The following LRRC4C variants were observed in gnomAD, a reference collection of about 807,000 sequenced individuals.
LRRC4C encodes leucine-rich repeat-containing protein 4C.
A neutral mutation model predicts 33.6 loss-of-function variants in LRRC4C; 5 were observed. The ratio of observed to expected loss-of-function variants is 0.15; its 90% CI spans 0.08 to 0.31. The LOEUF (loss-of-function observed/expected upper bound fraction) is 0.31. Among genes scored for constraint, LRRC4C ranks in the 10% least tolerant of loss-of-function variants. The pLI, the probability that LRRC4C is intolerant of heterozygous loss-of-function variation, is 1.00. For synonymous variants in LRRC4C, 329 were observed against 302.0 expected (o/e 1.09, Z -0.93); for missense variants, 560 against 796.7 (o/e 0.70, Z 3.58).
chr11:41,348,678 C>T (rs1951876571), intron 1 of LRRC4C, among the ~76,000 whole-genome samples: 1 of 151,994 alleles, frequency 6.6e-6, no homozygotes, highest in Non-Finnish European at 1.5e-5. Flanking sequence ...AGGGAGGAGG[C>T]AGAGCCTGAG....
chr11:40,373,444 T>A (rs929951300), intron 3 of LRRC4C, among the ~76,000 whole-genome samples: 1 of 152,156 alleles, frequency 6.6e-6, no homozygotes, highest in Non-Finnish European at 1.5e-5. Flanking sequence ...ATATGTAGAA[T>A]ATAAAATTTT....
intron 1 of LRRC4C, among the ~76,000 whole-genome samples, chr11:40,967,840 T>C (rs1851465880): frequency 6.6e-6 from 1 of 151,572 alleles, no homozygotes; most frequent in Admixed American, 6.6e-5. Context: ...TAATATATGA[T>C]AATTTAAATA....
At chr11:40,552,596 C>T (rs777586005) in intron 3 of LRRC4C, among the ~76,000 whole-genome samples, 1 of 152,106 alleles carries the variant, frequency 6.6e-6, no homozygotes, top group Non-Finnish European at 1.5e-5. Context: ...AAACATAAGG[C>T]CAACTTCACT....
chr11:40,303,754 T>G (rs1449406115), intron 4 of LRRC4C, among the ~76,000 whole-genome samples: 1 of 152,210 alleles, frequency 6.6e-6, no homozygotes, highest in Non-Finnish European at 1.5e-5. Flanking sequence ...ATGTTCACTT[T>G]AAGGACATAA....
chr11:41,312,369 C>T (rs1029055867), intron 1 of LRRC4C, among the ~76,000 whole-genome samples: 25 of 152,120 alleles, frequency 1.6e-4, no homozygotes, highest in African/African-American at 5.8e-4. Context: ...AGGAGTTAAA[C>T]CAGTTTTATG....
At chr11:41,192,647 T>C (rs1180209724) in intron 1 of LRRC4C, among the ~76,000 whole-genome samples, 1 of 152,046 alleles carries the variant, frequency 6.6e-6, no homozygotes, top group Non-Finnish European at 1.5e-5. Context: ...CTGTATATCT[T>C]GTCTTAAAAA....
At chr11:40,264,936 A>G (rs1471980941) in intron 4 of LRRC4C, among the ~76,000 whole-genome samples, 1 of 152,176 alleles carries the variant, frequency 6.6e-6, no homozygotes, top group Non-Finnish European at 1.5e-5. Flanking sequence ...AGAGAAATAC[A>G]CTGTCCAGTA....
intron 3 of LRRC4C, among the ~76,000 whole-genome samples, chr11:40,415,428 C>G (rs1241689576): frequency 6.6e-6 from 1 of 152,110 alleles, no homozygotes; most frequent in Non-Finnish European, 1.5e-5. Flanking sequence ...TATGAGTGTC[C>G]ACCCTTCCTT....
chr11:41,366,369 T>A (rs1473067791), intron 1 of LRRC4C, among the ~76,000 whole-genome samples: 1 of 152,132 alleles, frequency 6.6e-6, no homozygotes. Flanking sequence ...AAAGATACTC[T>A]ATTTTGGTAA....
At chr11:41,425,994 A>C (rs549838120) in intron 1 of LRRC4C, among the ~76,000 whole-genome samples, 9 of 152,064 alleles carry the variant, frequency 5.9e-5, no homozygotes, top group Non-Finnish European at 1.2e-4. Flanking sequence ...AATCAAAAAC[A>C]CTCTTCTAAA....
At chr11:40,265,266 T>C (rs1016566882) in intron 4 of LRRC4C, among the ~76,000 whole-genome samples, 2 of 152,236 alleles carry the variant, frequency 1.3e-5, no homozygotes, top group Non-Finnish European at 2.9e-5. Flanking sequence ...CTGATCTCAT[T>C]ACTTTGTCCT....
At chr11:40,558,332 G>A (rs1420009457) in intron 3 of LRRC4C, among the ~76,000 whole-genome samples, 1 of 152,110 alleles carries the variant, frequency 6.6e-6, no homozygotes, top group Non-Finnish European at 1.5e-5. Context: ...ATCAGCGTAG[G>A]GATACAATTT....
At chr11:40,937,444 A>G (rs1305009936) in intron 1 of LRRC4C, among the ~76,000 whole-genome samples, 1 of 152,108 alleles carries the variant, frequency 6.6e-6, no homozygotes. Flanking sequence ...AAATCTGCAC[A>G]TGCACTTCCA....
intron 1 of LRRC4C, among the ~76,000 whole-genome samples, chr11:41,003,552 T>G (rs1179001120): frequency 6.6e-6 from 1 of 152,084 alleles, no homozygotes; most frequent in African/African-American, 2.4e-5. Context: ...GCTGAGGGAT[T>G]GACAAGATAA....
At chr11:41,369,133 C>A (rs1262446375) in intron 1 of LRRC4C, among the ~76,000 whole-genome samples, 1 of 151,948 alleles carries the variant, frequency 6.6e-6, no homozygotes, top group African/African-American at 2.4e-5. Flanking sequence ...GGAAAAAAAA[C>A]ACAATGAATA....
At chr11:41,342,399 C>G (rs562198511) in intron 1 of LRRC4C, among the ~76,000 whole-genome samples, 3 of 152,110 alleles carry the variant, frequency 2.0e-5, no homozygotes, top group African/African-American at 7.2e-5. Context: ...TTAGAAATGA[C>G]CCTCAACTAA....
At chr11:40,701,376 A>G (rs1281853987) in intron 2 of LRRC4C, among the ~76,000 whole-genome samples, 2 of 152,080 alleles carry the variant, frequency 1.3e-5, no homozygotes, top group African/African-American at 2.4e-5. Flanking sequence ...TATTTTCTCA[A>G]TAGATACTAA....
chr11:41,065,500 G>A (rs117335364), intron 1 of LRRC4C, among the ~76,000 whole-genome samples: 1,639 of 152,238 alleles, frequency 0.011, 14 homozygotes, highest in Middle Eastern at 0.031. Context: ...TCCTGCCCAC[G>A]GGCTCTGAAG....
intron 2 of LRRC4C, among the ~76,000 whole-genome samples, chr11:40,906,710 G>C (rs148248409): frequency 0.015 from 2,282 of 151,044 alleles, 59 homozygotes; most frequent in African/African-American, 0.053. Flanking sequence ...CTCTCTCTCT[G>C]TGTGTGTGTG....
Sources: gnomAD v4.1 joint callset for allele counts (sites outside exome capture counted in the v4.1 genomes callset) on GRCh38, gnomAD v4.1.1 for gene constraint, MANE v1.5 for transcripts, NCBI Gene and HGNC (gene_info 2026-07-23, HGNC 2026-07-21) for gene names.